Variants in ZNF385D observed in about 807,000 individuals in gnomAD.
ZNF385D encodes zinc finger protein 385D, also known as zinc finger protein 659.
Under a neutral mutation model 35.8 loss-of-function variants are expected in ZNF385D, and 15 were observed. That is an observed-to-expected ratio of 0.42 (90% CI 0.28 to 0.64). The LOEUF is 0.64. ZNF385D is among the 30% of genes least tolerant of loss of function. The pLI, the probability that ZNF385D is intolerant of heterozygous loss-of-function variation, is 0.23. For synonymous variants in ZNF385D, 212 were observed against 186.8 expected, an observed-to-expected ratio of 1.13 and a Z score of -1.10; for missense variants, 474 against 494.6, an observed-to-expected ratio of 0.96 and a Z score of 0.39.
At chr3:21,732,877 G>A (rs1349487104) in intron 1 of ZNF385D, among the ~76,000 whole-genome samples, 1 of 152,146 alleles carries the variant, frequency 6.6e-6, no homozygotes, top group Non-Finnish European at 1.5e-5. Context: ...TTTCACAGCA[G>A]AATGTTTAAA....
intron 3 of ZNF385D, among the ~76,000 whole-genome samples, chr3:21,756,927 C>T (rs905632663): frequency 2.6e-5 from 4 of 152,066 alleles, no homozygotes; most frequent in Non-Finnish European, 5.9e-5. Context: ...CTGCTATAAA[C>T]TCCTAAATCA....
intron 3 of ZNF385D, among the ~76,000 whole-genome samples, chr3:22,163,066 T>G (rs1706075512): frequency 6.6e-6 from 1 of 152,114 alleles, no homozygotes; most frequent in South Asian, 2.1e-4. Context: ...TCTACCCACT[T>G]TTGAGGCAAG....
At position 21,609,679 on chromosome 3, in the gene ZNF385D, G is replaced by A. The variant is rs566694661; in HGVS notation, c.166-44995C>T. ...CAGTGGTAATAGTCACTGGTCCAAG[G>A]TGTCAGCACAGAACCTAATGGGGCC... is the stretch of plus-strand genomic sequence containing the variant. On this transcript the variant is annotated intron_variant, in intron 2 of 7. Coordinates refer to ENST00000281523, the MANE Select transcript of ZNF385D (RefSeq NM_024697.3). 3.9e-5 allele frequency among the ~76,000 whole-genome samples: 6 copies of A among 152,324 alleles called. No homozygotes were observed. In the South Asian group the frequency reaches 1.2e-3, roughly 32 times the overall value.
At position 21,615,793 on chromosome 3, in the gene ZNF385D, AGT is replaced by A. The variant is rs144521609; in HGVS notation, c.165+49091_165+49092del. Among the ~76,000 whole-genome samples the A allele has an allele frequency of 8.2e-3, 1,193 of 145,220 alleles. 18 individuals are homozygous for A. Among genetic ancestry groups the A allele is most frequent in the African/African-American group, 0.029 (1,110 of 38,830 alleles). ...ATGACTGCAAAGAAAATGGAGAAAG[AGT>A]GTGTGTGTGTGTGTGTGTGTGTTTA... On this transcript the variant is annotated intron_variant, in intron 2 of 7. Transcript: ENST00000281523.
At chr3:22,235,793 CAT>C (rs1418743563) in intron 2 of ZNF385D, among the ~76,000 whole-genome samples, 1 of 152,056 alleles carries the variant, frequency 6.6e-6, no homozygotes, top group African/African-American at 2.4e-5. Context: ...CAAATTCTCA[CAT>C]AGTCTGGGAG....
intron 3 of ZNF385D, among the ~76,000 whole-genome samples, chr3:22,094,352 G>A (rs1701486673): frequency 1.2e-5 from 1 of 81,598 alleles, no homozygotes; most frequent in African/African-American, 4.1e-5. Flanking sequence ...AAATGTGCAG[G>A]CATTTTACCA....
At chr3:22,148,443 A>G (rs1412351764) in intron 3 of ZNF385D, among the ~76,000 whole-genome samples, 1 of 152,196 alleles carries the variant, frequency 6.6e-6, no homozygotes, top group Non-Finnish European at 1.5e-5. Flanking sequence ...TAATCCATTC[A>G]TGGAAAACCT....
intron 2 of ZNF385D, among the ~76,000 whole-genome samples, chr3:22,333,469 CT>C (rs1475404257): frequency 6.6e-6 from 1 of 151,636 alleles, no homozygotes; most frequent in Non-Finnish European, 1.5e-5. Context: ...TTTTTTCTAT[CT>C]TTTTTTCTCT....
At chr3:22,033,366 C>T (rs564799132) in intron 3 of ZNF385D, among the ~76,000 whole-genome samples, 1 of 151,240 alleles carries the variant, frequency 6.6e-6, no homozygotes, top group Middle Eastern at 3.5e-3. Context: ...CATGCCACTG[C>T]ACTCCAACCT....
chr3:22,306,400 T>C (rs981963464), intron 2 of ZNF385D, among the ~76,000 whole-genome samples: 3 of 152,124 alleles, frequency 2.0e-5, no homozygotes, highest in Non-Finnish European at 2.9e-5. Flanking sequence ...TCCAGGAGAA[T>C]GTCATATTAT....
At chr3:21,492,301 A>T (rs1023955974) in intron 4 of ZNF385D, among the ~76,000 whole-genome samples, 5 of 151,974 alleles carry the variant, frequency 3.3e-5, no homozygotes, top group Admixed American at 2.0e-4. Context: ...ATTATTAAAA[A>T]CCAATAGCTA....
In ZNF385D at chr3:21,981,121, T is replaced by C. The variant is rs116789087; in HGVS notation, c.325+187696A>G. Among the ~76,000 whole-genome samples, 348 of 152,298 alleles carry C rather than the reference T, an allele frequency of 2.3e-3. 3 individuals carry two copies. The highest frequency in any genetic ancestry group is 7.9e-3 in the African/African-American group (329 of 41,576). ...CTGGGTTGAATGATAGTTGTACTTT[T>C]AGCTCACTGAGGAATCACTATGCTG... On this transcript the variant is annotated intron_variant, in intron 3 of 5. Coordinates refer to the ZNF385D transcript ENST00000494108.
intron 3 of ZNF385D, among the ~76,000 whole-genome samples, chr3:21,871,109 C>T (rs574528592): frequency 6.6e-6 from 1 of 152,280 alleles, no homozygotes; most frequent in South Asian, 2.1e-4. Context: ...TCTCTCAGTA[C>T]AACTCTCTTG....
intron 4 of ZNF385D, among the ~76,000 whole-genome samples, chr3:21,458,815 G>C (rs367712434): frequency 9.9e-5 from 10 of 100,804 alleles, no homozygotes; most frequent in African/African-American, 2.0e-4. Flanking sequence ...AATGCGGGGT[G>C]GGGGGGCGGG....
chr3:22,336,368 AG>A (rs1333808608), intron 2 of ZNF385D, among the ~76,000 whole-genome samples: 1 of 152,170 alleles, frequency 6.6e-6, no homozygotes, highest in Non-Finnish European at 1.5e-5. Flanking sequence ...CAAACTAAAA[AG>A]CTATTCAACT....
upstream of ZNF385D, among the ~76,000 whole-genome samples, chr3:21,755,514 C>A (rs1433993925): frequency 6.6e-6 from 1 of 152,178 alleles, no homozygotes; most frequent in Non-Finnish European, 1.5e-5. Context: ...CTGAAGCAAT[C>A]TGTAATCAAT....
At chr3:22,157,905 G>C (rs1187037137) in intron 3 of ZNF385D, among the ~76,000 whole-genome samples, 3 of 152,190 alleles carry the variant, frequency 2.0e-5, no homozygotes, top group Non-Finnish European at 2.9e-5. Context: ...TGCACACAAA[G>C]TGCCAACCTT....
chr3:21,713,369 C>T (rs4858347), intron 1 of ZNF385D, among the ~76,000 whole-genome samples: 26,569 of 152,130 alleles, frequency 0.17, 2,791 homozygotes, highest in Admixed American at 0.3. Flanking sequence ...CATCTTGGTG[C>T]TGAGGGCACT....
chr3:21,757,395 G>A (rs2070393843), intron 3 of ZNF385D, among the ~76,000 whole-genome samples: 1 of 152,016 alleles, frequency 6.6e-6, no homozygotes, highest in South Asian at 2.1e-4. Flanking sequence ...TGACCACCTT[G>A]GCCTCCCAAA....
Sources: allele counts gnomAD v4.1 joint callset (sites outside exome capture counted in the v4.1 genomes callset), GRCh38; gene constraint gnomAD v4.1.1; transcripts MANE v1.5; gene names NCBI Gene and HGNC (gene_info 2026-07-23, HGNC 2026-07-21).